The following RXFP2 variants were observed in gnomAD, a reference collection of about 807,000 sequenced individuals.
RXFP2 encodes the protein relaxin receptor 2.
RXFP2 carries 68 observed loss-of-function variants against 88.6 expected under a neutral mutation model. The observed-to-expected ratio is 0.77, with a 90% CI of 0.63 to 0.94. RXFP2 has a LOEUF of 0.94. RXFP2 is among the 40% of genes least tolerant of loss of function. RXFP2 has a pLI of 0.00. For synonymous variants in RXFP2, 329 were observed against 306.8 expected, an observed-to-expected ratio of 1.07 and a Z score of -0.76; for missense variants, 791 against 893.9, an observed-to-expected ratio of 0.88 and a Z score of 1.47.
chr13:31,794,211 C>T (rs546302053), intron 16 of RXFP2, among the ~76,000 whole-genome samples: 18 of 152,164 alleles, frequency 1.2e-4, no homozygotes, highest in African/African-American at 4.3e-4. Flanking sequence ...TTAGTAATAC[C>T]CCTCACACAC....
chr13:31,777,217 A>T (rs902420130), intron 7 of RXFP2, among the ~76,000 whole-genome samples, 159 bp from the exon 8 acceptor site: 1 of 152,162 alleles, frequency 6.6e-6, no homozygotes, highest in Non-Finnish European at 1.5e-5. Context: ...TGGAGGAAAG[A>T]GTTGCTCCAA....
chr13:31,777,156 G>A (rs1873026504), intron 7 of RXFP2, among the ~76,000 whole-genome samples: 1 of 152,090 alleles, frequency 6.6e-6, no homozygotes, highest in Admixed American at 6.6e-5. Context: ...CAGGGAGAAA[G>A]CAAAACAATC....
chr13:31,795,311 C>T (rs1006655351), intron 16 of RXFP2, among the ~76,000 whole-genome samples: 13 of 151,914 alleles, frequency 8.6e-5, no homozygotes, highest in African/African-American at 2.9e-4. Flanking sequence ...CACCATGCCC[C>T]GCTAATTTTT....
At chr13:31,776,256 T>C (rs559499791) in intron 7 of RXFP2, among the ~76,000 whole-genome samples, 19 of 133,260 alleles carry the variant, frequency 1.4e-4, no homozygotes, top group African/African-American at 3.1e-4. Flanking sequence ...TTTCCTTCTT[T>C]TTTTTTTTTT....
chr13:31,773,212 T>C (rs1282058863), intron 5 of RXFP2, among the ~76,000 whole-genome samples: 1 of 152,118 alleles, frequency 6.6e-6, no homozygotes, highest in Non-Finnish European at 1.5e-5. Context: ...ATAGATATGG[T>C]ACCGGGAATG....
chr13:31,754,815 A>G (rs1871857114), intron 1 of RXFP2, among the ~76,000 whole-genome samples: 1 of 152,256 alleles, frequency 6.6e-6, no homozygotes, highest in African/African-American at 2.4e-5. Context: ...TTAAGATGGA[A>G]TAACATAAAG....
At chr13:31,755,403 G>T (rs151230643) in intron 1 of RXFP2, among the ~76,000 whole-genome samples, 222 of 152,166 alleles carry the variant, frequency 1.5e-3, no homozygotes, top group African/African-American at 5.0e-3. Flanking sequence ...GTGGGCATGA[G>T]TGTGCGTGGG....
At chr13:31,774,857 T>G (rs1219079496) in intron 6 of RXFP2, among the ~76,000 whole-genome samples, 166 bp downstream of exon 6, 1 of 152,198 alleles carries the variant, frequency 6.6e-6, no homozygotes, top group Non-Finnish European at 1.5e-5. Flanking sequence ...AAACGATTCC[T>G]ACCTTTACCA....
rs7322562 is a variant in RXFP2, at chr13:31,797,514, T to C, written c.2005+95T>C. 0.97 allele frequency: 885,879 copies of C among 910,804 alleles called. 432,013 individuals carry two copies. The highest frequency in any genetic ancestry group is 0.99 in the Non-Finnish European group (552,060 of 557,174). The allele number at this position is 910,804 out of a possible 1,614,324, so 56.4% of individuals were successfully genotyped here. A position where few individuals can be genotyped will look rare whatever the true frequency, so the allele number is the denominator to read the frequency against. Reference sequence around the variant, plus strand: ...GAGTCTAGGACACATAATAAATTATTCATAAAAACCAATACAAAGTTATTT... The same window carrying C: ...GAGTCTAGGACACATAATAAATTATCCATAAAAACCAATACAAAGTTATTT... On this transcript the variant is annotated intron_variant, in intron 17 of 17. Coordinates refer to ENST00000298386, the MANE Select transcript of RXFP2 (RefSeq NM_130806.5).
chr13:31,784,482 T>A (rs575610561), intron 11 of RXFP2, among the ~76,000 whole-genome samples: 125 of 152,266 alleles, frequency 8.2e-4, no homozygotes, highest in African/African-American at 2.8e-3. Context: ...CAAAAGAGTG[T>A]GCTTTATTTT....
chr13:31,759,699 C>T (rs1872206131), intron 2 of RXFP2, among the ~76,000 whole-genome samples: 1 of 152,186 alleles, frequency 6.6e-6, no homozygotes, highest in South Asian at 2.1e-4. Flanking sequence ...GAGAGGCTGA[C>T]ATGTCTAGTT....
chr13:31,740,813 A>G (rs532122228), intron 1 of RXFP2, among the ~76,000 whole-genome samples: 7 of 152,222 alleles, frequency 4.6e-5, no homozygotes, highest in Admixed American at 3.3e-4. Context: ...CTAAGGATTA[A>G]CTAAGAAGAA....
At chr13:31,759,969 C>A (rs1305002380) in intron 2 of RXFP2, among the ~76,000 whole-genome samples, 2 of 152,186 alleles carry the variant, frequency 1.3e-5, no homozygotes, top group Non-Finnish European at 2.9e-5. Context: ...CCCCCTGAAG[C>A]TGTATCACCG....
In RXFP2 at chr13:31,758,255, T is replaced by C; in HGVS notation, c.95-3T>C. On this transcript the variant is annotated splice_polypyrimidine_tract_variant and splice_region_variant and intron_variant, in intron 1 of 17. Coordinates refer to ENST00000298386, the MANE Select transcript of RXFP2 (RefSeq NM_130806.5). ...CTTTGTTTTTGCCCCTTCTTTCATG[T>C]AGATTTTGCACTGACTCAAGGTAGC... The C allele has an allele frequency of 6.2e-7, 1 of 1,614,074 alleles. No individual in the cohort carries two copies. The highest frequency in any genetic ancestry group is 8.5e-7 in the Non-Finnish European group (1 of 1,179,936).
At position 31,765,081 on chromosome 13, in the gene RXFP2, T is replaced by C; in HGVS notation, c.364T>C (p.Leu122=). ...ATGCTGTGACTGCAAAGAAACTGAATTGGAATGTGTAAATGGTGACTTAAA... is the reference window on the plus strand; with the variant it reads ...ATGCTGTGACTGCAAAGAAACTGAACTGGAATGTGTAAATGGTGACTTAAA... ...PQCCDCKETE[L]ECVNGDLKSV... is the part of the protein sequence containing the mutation. Residue 122 remains leucine (L), a synonymous_variant, in exon 4 of 18, where the codon TTG becomes CTG. Coordinates refer to ENST00000298386, the MANE Select transcript of RXFP2 (RefSeq NM_130806.5). The C allele has an allele frequency of 6.2e-7, 1 of 1,612,276 alleles. No individual in the cohort carries two copies. The highest frequency in any genetic ancestry group is 1.7e-4 in the Middle Eastern group (1 of 6,050).
intron 1 of RXFP2, among the ~76,000 whole-genome samples, chr13:31,748,019 G>T (rs539927531): frequency 3.4e-4 from 52 of 152,332 alleles, no homozygotes; most frequent in African/African-American, 1.2e-3. Flanking sequence ...AAGGAGAACT[G>T]TCCACTGGCC....
chr13:31,741,656 G>T (rs1161307271), intron 1 of RXFP2, among the ~76,000 whole-genome samples: 1 of 152,132 alleles, frequency 6.6e-6, no homozygotes, highest in Non-Finnish European at 1.5e-5. Flanking sequence ...TCACTCTGGA[G>T]TGCCTAAGGA....
At chr13:31,793,352 T>C (rs1028443016) in intron 16 of RXFP2, among the ~76,000 whole-genome samples, 1 of 152,164 alleles carries the variant, frequency 6.6e-6, no homozygotes, top group African/African-American at 2.4e-5. Flanking sequence ...TTTGATTTCA[T>C]GTTTATATGA....
Position 31,786,444 on chromosome 13 carries a change from C to G in RXFP2, c.991C>G (p.Leu331Val). ...SPHLFKDLKL[L>V]QKLNLSSNPL... is the part of the protein sequence containing the mutation. The stretch of plus-strand genomic sequence containing the variant: ...TCACCTTTTTAAAGACTTGAAGCTT[C>G]TACAAAAGCTGTAAGTTCTACTTCT... The change falls in exon 12 of 18, where the codon CTA becomes GTA. Residue 331 changes from leucine to valine, a missense_variant. Physicochemically the swap from Leu to Val is conservative, Grantham distance 32. Coordinates refer to ENST00000298386, the MANE Select transcript of RXFP2 (RefSeq NM_130806.5). 1 of 1,604,656 alleles carries G rather than the reference C, an allele frequency of 6.2e-7. No individual in the cohort carries two copies.
Sources: gnomAD v4.1 joint callset for allele counts (sites outside exome capture counted in the v4.1 genomes callset) on GRCh38, gnomAD v4.1.1 for gene constraint, MANE v1.5 for transcripts, NCBI Gene and HGNC (gene_info 2026-07-23, HGNC 2026-07-21) for gene names.